The following ADGRL2 variants were observed in gnomAD, a reference collection of about 807,000 sequenced individuals.
The protein encoded by ADGRL2 is calcium-independent alpha-latrotoxin receptor 2.
In ADGRL2, 44 loss-of-function variants were observed where a neutral mutation model predicts 157.4. That is an observed-to-expected ratio of 0.28 (90% CI 0.22 to 0.36). The LOEUF (loss-of-function observed/expected upper bound fraction) is 0.36, where lower values mean the gene tolerates loss of function less well. Among genes scored for constraint, ADGRL2 ranks in the 10% least tolerant of loss-of-function variants. The pLI is 1.00. For missense variants in ADGRL2, 1,510 were observed against 1,768.9 expected (o/e 0.85, Z 2.63); for synonymous variants, 585 against 624.7 (o/e 0.94, Z 0.95).
chr1:81,675,154 G>C (rs2148930920), intron 3 of ADGRL2, among the ~76,000 whole-genome samples: 1 of 152,178 alleles, frequency 6.6e-6, no homozygotes, highest in Admixed American at 6.5e-5. Context: ...AAAATTAGGT[G>C]GTCTCAACAC....
chr1:81,934,607 A>G (rs1475674656), intron 3 of ADGRL2, among the ~76,000 whole-genome samples: 1 of 151,842 alleles, frequency 6.6e-6, no homozygotes, highest in Non-Finnish European at 1.5e-5. Context: ...TCTCTCTCCC[A>G]CCAGTTGCTA....
At chr1:81,891,579 A>G (rs567732070) in intron 2 of ADGRL2, among the ~76,000 whole-genome samples, 2 of 152,222 alleles carry the variant, frequency 1.3e-5, no homozygotes, top group East Asian at 3.9e-4. Flanking sequence ...TGAGCATTAC[A>G]TGTTTATTTC....
chr1:81,668,330 C>CA (rs925418616), intron 3 of ADGRL2, among the ~76,000 whole-genome samples: 2 of 151,082 alleles, frequency 1.3e-5, no homozygotes, highest in African/African-American at 4.9e-5. Flanking sequence ...GAGGCTGAGG[C>CA]AGAAGAATCG....
chr1:81,442,373 C>T (rs1386889964), intron 1 of ADGRL2, among the ~76,000 whole-genome samples: 1 of 152,136 alleles, frequency 6.6e-6, no homozygotes, highest in African/African-American at 2.4e-5. Flanking sequence ...ATCCCTCTTT[C>T]ACCAAATTAC....
At chr1:81,655,443 C>T (rs2082512429) in intron 3 of ADGRL2, among the ~76,000 whole-genome samples, 1 of 152,136 alleles carries the variant, frequency 6.6e-6, no homozygotes, top group African/African-American at 2.4e-5. Context: ...TGTCAGACTC[C>T]AAAGCCCACA....
chr1:81,471,827 A>G (rs1038842691), intron 2 of ADGRL2, among the ~76,000 whole-genome samples: 10 of 152,338 alleles, frequency 6.6e-5, no homozygotes, highest in African/African-American at 2.4e-4. Flanking sequence ...TTACCTTCTC[A>G]TAGTTATGAC....
intron 3 of ADGRL2, among the ~76,000 whole-genome samples, chr1:81,682,903 G>A (rs1236976865): frequency 5.9e-5 from 9 of 152,238 alleles, no homozygotes; most frequent in Non-Finnish European, 7.4e-5. Flanking sequence ...AGGCCGAGGC[G>A]GGTGGATCAC....
In ADGRL2 at chr1:81,379,332, C is replaced by T. The variant is rs1168177772; in HGVS notation, c.-301-65704C>T. 2.0e-5 allele frequency among the ~76,000 whole-genome samples: 3 copies of T among 152,156 alleles called. No homozygotes were observed. The South Asian group carries it at 6.2e-4, about 31-fold the overall frequency. On this transcript the variant is annotated intron_variant, in intron 1 of 24. Transcript: ENST00000370721. ...GGGTGAATGTTTACAGCTCCTGAGG[C>T]CCCAGTGGGCCTATGTTACAGGGTG...
intron 3 of ADGRL2, among the ~76,000 whole-genome samples, chr1:81,581,910 A>C (rs111614981): frequency 5.0e-4 from 71 of 142,838 alleles, no homozygotes; most frequent in Admixed American, 3.6e-3. Context: ...ACACACACAC[A>C]CCCCTGCCTC....
At chr1:81,901,388 A>G (rs1203955730) in intron 2 of ADGRL2, among the ~76,000 whole-genome samples, 1 of 152,164 alleles carries the variant, frequency 6.6e-6, no homozygotes, top group African/African-American at 2.4e-5. Flanking sequence ...CCAGTGTGCT[A>G]TAAGTAAATT....
At chr1:81,387,050 C>A (rs925942296) in intron 1 of ADGRL2, among the ~76,000 whole-genome samples, 2 of 152,062 alleles carry the variant, frequency 1.3e-5, no homozygotes, top group Non-Finnish European at 2.9e-5. Context: ...ATAGTTCTGA[C>A]TTTTATGAGA....
intron 2 of ADGRL2, among the ~76,000 whole-genome samples, chr1:81,551,887 AAT>A (rs2080155264): frequency 6.6e-6 from 1 of 152,198 alleles, no homozygotes; most frequent in African/African-American, 2.4e-5. Flanking sequence ...AGATCCCATG[AAT>A]TGAAATACTC....
At chr1:81,432,110 T>C (rs1041198765) in intron 1 of ADGRL2, among the ~76,000 whole-genome samples, 1 of 152,242 alleles carries the variant, frequency 6.6e-6, no homozygotes, top group Non-Finnish European at 1.5e-5. Flanking sequence ...CTGTCACAGA[T>C]TGCATCAAGC....
chr1:81,722,817 T>C (rs1348397602), intron 1 of ADGRL2: 8 of 715,104 alleles, frequency 1.1e-5, no homozygotes, highest in Non-Finnish European at 2.0e-5. Flanking sequence ...AAGCTCACTA[T>C]GGCTCTTTTC....
At chr1:81,468,941 C>T (rs1178581498) in intron 2 of ADGRL2, among the ~76,000 whole-genome samples, 2 of 152,100 alleles carry the variant, frequency 1.3e-5, no homozygotes, top group African/African-American at 4.8e-5. Context: ...AATAGTACAA[C>T]CCAGTGAGGG....
chr1:81,754,636 T>G (rs2085617784), intron 1 of ADGRL2, among the ~76,000 whole-genome samples: 1 of 149,376 alleles, frequency 6.7e-6, no homozygotes, highest in African/African-American at 2.5e-5. Context: ...TCTTTCTTCT[T>G]TTCCTTTCCT....
intron 3 of ADGRL2, among the ~76,000 whole-genome samples, chr1:81,610,162 T>G (rs890136807): frequency 5.3e-5 from 8 of 151,860 alleles, no homozygotes; most frequent in African/African-American, 1.7e-4. Flanking sequence ...CTGATACATT[T>G]TATGTAAATT....
chr1:81,811,069 C>A (rs948846619), intron 1 of ADGRL2, among the ~76,000 whole-genome samples: 1 of 151,664 alleles, frequency 6.6e-6, no homozygotes. Context: ...CATATTGTTA[C>A]GGGTTTTAAA....
intron 1 of ADGRL2, among the ~76,000 whole-genome samples, chr1:81,317,306 C>G (rs1160274733): frequency 1.3e-5 from 2 of 152,104 alleles, no homozygotes; most frequent in Non-Finnish European, 2.9e-5. Flanking sequence ...ATCTCTCTCC[C>G]CAACCCTCAA....
Sources: gnomAD v4.1 joint callset for allele counts (sites outside exome capture counted in the v4.1 genomes callset) on GRCh38, gnomAD v4.1.1 for gene constraint, MANE v1.5 for transcripts, NCBI Gene and HGNC (gene_info 2026-07-23, HGNC 2026-07-21) for gene names.